The following CALN1 variants were observed in gnomAD, a reference collection of about 807,000 sequenced individuals.
CALN1 encodes the protein calcium-binding protein 8.
CALN1 carries 17 observed loss-of-function variants against 30.6 expected under a neutral mutation model. The ratio of observed to expected loss-of-function variants is 0.56; its 90% CI spans 0.38 to 0.83. CALN1 has a LOEUF of 0.83. Ranked by LOEUF, CALN1 falls within the 40% of genes least tolerant of loss-of-function variation. The pLI is 0.00. For missense variants in CALN1, 291 were observed against 354.9 expected (o/e 0.82, Z 1.45); for synonymous variants, 156 against 131.4 (o/e 1.19, Z -1.28).
chr7:72,397,714 T>TCTCTCTCTCACA (rs142607076), intron 2 of CALN1, among the ~76,000 whole-genome samples: 6 of 142,806 alleles, frequency 4.2e-5, no homozygotes, highest in African/African-American at 1.6e-4. Context: ...CCATTCTCTC[T>TCTCTCTCTCACA]CACACACACA....
In CALN1 at chr7:72,273,501, CTTT is replaced by C. The variant is rs773609513; in HGVS notation, c.244+5182_244+5184del. On this transcript the variant is annotated intron_variant, in intron 3 of 6. Transcript: ENST00000395275. Reference sequence around the variant, plus strand: ...GGGATAAAGTGAAGAAGGCAAGATTCTTTTTTTTTTTTTTTTTTTCTTCCCCCT... The same window carrying C: ...GGGATAAAGTGAAGAAGGCAAGATTCTTTTTTTTTTTTTTTTCTTCCCCCT... Among the ~76,000 whole-genome samples the C allele has an allele frequency of 1.2e-4, 12 of 101,834 alleles. No homozygotes were observed. In the South Asian group the frequency reaches 3.9e-3, roughly 33 times the overall value. The allele number at this position is 101,834 out of a possible 152,430, so 66.8% of individuals were successfully genotyped here. A position where few individuals can be genotyped will look rare whatever the true frequency, so the allele number is the denominator to read the frequency against.
intron 4 of CALN1, among the ~76,000 whole-genome samples, chr7:72,070,676 C>T (rs768125697): frequency 5.9e-5 from 9 of 152,168 alleles, no homozygotes; most frequent in Non-Finnish European, 1.2e-4. Flanking sequence ...AAAGGGACCA[C>T]AAGGTATTAA....
At chr7:71,978,324 G>T (rs1162927069) in intron 5 of CALN1, among the ~76,000 whole-genome samples, 3 of 142,294 alleles carry the variant, frequency 2.1e-5, no homozygotes, top group Non-Finnish European at 4.5e-5. Flanking sequence ...CAGGCTGGAG[G>T]GCAATGGCGC....
At chr7:72,371,047 CAAAAAAA>C (rs35918896) in intron 2 of CALN1, among the ~76,000 whole-genome samples, 11 of 91,542 alleles carry the variant, frequency 1.2e-4, no homozygotes, top group African/African-American at 4.8e-4. Flanking sequence ...AATTAAGTCT[CAAAAAAA>C]AAAAAAAAAA....
intron 2 of CALN1, among the ~76,000 whole-genome samples, chr7:72,351,826 A>G (rs1284912266): frequency 2.6e-5 from 4 of 152,388 alleles, no homozygotes; most frequent in South Asian, 4.1e-4. Flanking sequence ...ACACCTAAAT[A>G]TATTGTGAAT....
chr7:72,410,490 A>C (rs911555875), intron 1 of CALN1, among the ~76,000 whole-genome samples: 1 of 152,226 alleles, frequency 6.6e-6, no homozygotes, highest in Non-Finnish European at 1.5e-5. Context: ...CCAATTAGAT[A>C]TCACGGAAAT....
At chr7:71,793,771 G>A (rs1786720391) in intron 6 of CALN1, among the ~76,000 whole-genome samples, 1 of 152,152 alleles carries the variant, frequency 6.6e-6, no homozygotes, top group Admixed American at 6.5e-5. Flanking sequence ...CGCTACTCGG[G>A]AGGCTGATGC....
chr7:72,410,421 G>C (rs992975620), intron 1 of CALN1, among the ~76,000 whole-genome samples: 2 of 152,186 alleles, frequency 1.3e-5, no homozygotes, highest in Non-Finnish European at 2.9e-5. Flanking sequence ...AGATGCAAAA[G>C]CGAAATCCTT....
intron 3 of CALN1, among the ~76,000 whole-genome samples, chr7:72,195,963 CAAT>C (rs1394699801): frequency 6.6e-6 from 1 of 152,116 alleles, no homozygotes; most frequent in Non-Finnish European, 1.5e-5. Context: ...ACATTACACT[CAAT>C]GAAAGAATAT....
At chr7:72,427,110 G>A (rs1234102521) in intron 1 of CALN1, among the ~76,000 whole-genome samples, 1 of 152,182 alleles carries the variant, frequency 6.6e-6, no homozygotes, top group East Asian at 1.9e-4. Flanking sequence ...AGCCTCCCAA[G>A]TAGCTGGGAT....
At chr7:72,379,207 A>G (rs4370418) in intron 2 of CALN1, among the ~76,000 whole-genome samples, 63,910 of 151,978 alleles carry the variant, frequency 0.42, 13,612 homozygotes, top group Admixed American at 0.47. Context: ...ACAGCTCACT[A>G]CAACCTCTAA....
At chr7:72,378,075 G>A (rs973043708) in intron 2 of CALN1, among the ~76,000 whole-genome samples, 1 of 151,966 alleles carries the variant, frequency 6.6e-6, no homozygotes, top group Admixed American at 6.6e-5. Context: ...TTAAACAGCA[G>A]GAACTAAGTC....
At chr7:72,159,269 G>A (rs1787935732) in intron 3 of CALN1, among the ~76,000 whole-genome samples, 1 of 152,212 alleles carries the variant, frequency 6.6e-6, no homozygotes, top group South Asian at 2.1e-4. Context: ...GCTGTGCAAT[G>A]CTAGGACACT....
At chr7:72,338,900 C>CT (rs1438745138) in intron 2 of CALN1, among the ~76,000 whole-genome samples, 2 of 150,976 alleles carry the variant, frequency 1.3e-5, no homozygotes, top group African/African-American at 4.9e-5. Flanking sequence ...TTCATTCTAA[C>CT]TTGTTTTTTT....
chr7:72,304,341 A>G (rs547111837), intron 2 of CALN1, among the ~76,000 whole-genome samples: 6 of 152,372 alleles, frequency 3.9e-5, no homozygotes, highest in Admixed American at 6.5e-5. Context: ...TCAAAACCAC[A>G]TAAGGTTGGG....
At chr7:72,324,576 A>ATTTG (rs1801136022) in intron 2 of CALN1, among the ~76,000 whole-genome samples, 2 of 149,308 alleles carry the variant, frequency 1.3e-5, no homozygotes, top group East Asian at 2.0e-4. Flanking sequence ...TTATTTATTT[A>ATTTG]TTTATTTATT....
At chr7:71,933,108 T>C (rs1363859569) in intron 5 of CALN1, among the ~76,000 whole-genome samples, 3 of 103,528 alleles carry the variant, frequency 2.9e-5, no homozygotes, top group Admixed American at 1.9e-4. Flanking sequence ...GAAGCTTGCA[T>C]GGGTGAATGC....
At chr7:72,140,471 A>G (rs892150264) in intron 3 of CALN1, among the ~76,000 whole-genome samples, 5 of 152,030 alleles carry the variant, frequency 3.3e-5, no homozygotes, top group Non-Finnish European at 2.9e-5. Context: ...AGACAATTTT[A>G]GCACACGCAG....
At chr7:72,012,742 T>G (rs1411528337) in intron 5 of CALN1, among the ~76,000 whole-genome samples, 1 of 152,044 alleles carries the variant, frequency 6.6e-6, no homozygotes, top group Non-Finnish European at 1.5e-5. Context: ...CTCCAGTGAG[T>G]TCTTTTCCTC....
Sources: allele counts gnomAD v4.1 joint callset (sites outside exome capture counted in the v4.1 genomes callset), GRCh38; gene constraint gnomAD v4.1.1; transcripts MANE v1.5; gene names NCBI Gene and HGNC (gene_info 2026-07-23, HGNC 2026-07-21).